Variants in EML6 observed in about 807,000 individuals in gnomAD.
The protein encoded by EML6 is echinoderm microtubule-associated protein-like 6.
Under a neutral mutation model 240.1 loss-of-function variants are expected in EML6, and 154 were observed. The observed-to-expected ratio is 0.64, with a 90% CI of 0.56 to 0.73. The LOEUF (loss-of-function observed/expected upper bound fraction) is 0.73. Ranked by LOEUF, EML6 falls within the 30% of genes least tolerant of loss-of-function variation. The pLI, the probability that EML6 is intolerant of heterozygous loss-of-function variation, is 0.00. For missense variants in EML6, 2,964 were observed against 2,474.6 expected, an observed-to-expected ratio of 1.20 and a Z score of -4.20; for synonymous variants, 1,148 against 899.0, an observed-to-expected ratio of 1.28 and a Z score of -4.95.
chr2:54,861,177 C>G (rs1670652065), intron 12 of EML6, among the ~76,000 whole-genome samples: 1 of 152,220 alleles, frequency 6.6e-6, no homozygotes, highest in South Asian at 2.1e-4. Flanking sequence ...CTCAGCACTT[C>G]ATGAGCCTTT....
chr2:54,847,745 C>G (rs1291175117), intron 9 of EML6, 122 bp downstream of exon 9: 58 of 984,862 alleles, frequency 5.9e-5, no homozygotes, highest in Middle Eastern at 3.0e-4. Flanking sequence ...AATAGGAATA[C>G]TATAGATCTA....
intron 28 of EML6, among the ~76,000 whole-genome samples, chr2:54,939,623 C>CT (rs1675323117): frequency 6.6e-6 from 1 of 152,180 alleles, no homozygotes; most frequent in Non-Finnish European, 1.5e-5. Flanking sequence ...TGTCATAATC[C>CT]TGAAGGGTGA....
chr2:54,871,462 C>T (rs369461026), intron 15 of EML6, 38 bp from the exon 16 acceptor site: 69 of 1,425,036 alleles, frequency 4.8e-5, no homozygotes, highest in Non-Finnish European at 6.2e-5. Flanking sequence ...GTTAGTATAA[C>T]GTGTTAGTAG....
intron 41 of EML6, among the ~76,000 whole-genome samples, chr2:54,969,078 A>G (rs1433504489): frequency 6.6e-6 from 1 of 152,202 alleles, no homozygotes; most frequent in Non-Finnish European, 1.5e-5. Flanking sequence ...TGATTTGAGT[A>G]GAAGCTCTTG....
chr2:54,943,904 A>T (rs1212244793), intron 28 of EML6, among the ~76,000 whole-genome samples: 2 of 152,234 alleles, frequency 1.3e-5, no homozygotes, highest in Admixed American at 6.5e-5. Context: ...TGAAAGCCAC[A>T]TGTGGCATTG....
intron 38 of EML6, 90 bp from the exon 39 acceptor site, chr2:54,966,910 G>T (rs1676773333): frequency 1.3e-6 from 1 of 797,092 alleles, no homozygotes; most frequent in Admixed American, 2.4e-5. Context: ...GGATGCAGAG[G>T]CTGGGCAGTG....
intron 12 of EML6, among the ~76,000 whole-genome samples, chr2:54,860,438 G>A (rs186084833): frequency 1.2e-4 from 18 of 152,196 alleles, no homozygotes; most frequent in East Asian, 1.2e-3. Flanking sequence ...ACACATTTCC[G>A]GAGGCTACTT....
intron 2 of EML6, among the ~76,000 whole-genome samples, chr2:54,734,135 T>C (rs11888644): frequency 0.27 from 40,278 of 151,920 alleles, 6,732 homozygotes; most frequent in African/African-American, 0.48. Flanking sequence ...GGTCAGGAGT[T>C]CAAGACCAGC....
At chr2:54,934,188 C>T (rs1321150434) in intron 28 of EML6, among the ~76,000 whole-genome samples, 1 of 152,174 alleles carries the variant, frequency 6.6e-6, no homozygotes, top group Non-Finnish European at 1.5e-5. Flanking sequence ...AAAACATACA[C>T]ATATGGAAGT....
chr2:54,906,412 T>G (rs1479040714), intron 24 of EML6, among the ~76,000 whole-genome samples: 1 of 152,172 alleles, frequency 6.6e-6, no homozygotes, highest in Admixed American at 6.5e-5. Flanking sequence ...GGGGAAGGTC[T>G]GTGTAAAGTC....
intron 24 of EML6, among the ~76,000 whole-genome samples, chr2:54,909,800 C>T (rs1189375326): frequency 1.4e-5 from 2 of 142,540 alleles, no homozygotes; most frequent in Admixed American, 7.4e-5. Context: ...GCCAAGATTA[C>T]ACCACTGCCC....
chr2:54,745,928 G>A (rs1683891701), intron 2 of EML6, among the ~76,000 whole-genome samples: 1 of 152,152 alleles, frequency 6.6e-6, no homozygotes, highest in South Asian at 2.1e-4. Context: ...CAAGGGAGGA[G>A]CAAAATTGTA....
At chr2:54,839,805 C>A (rs940442233) in intron 7 of EML6, among the ~76,000 whole-genome samples, 1 of 152,200 alleles carries the variant, frequency 6.6e-6, no homozygotes, top group African/African-American at 2.4e-5. Context: ...CTGAAAAACA[C>A]TGAGTGCCAT....
At chr2:54,933,579 C>G (rs1299465229) in intron 28 of EML6, among the ~76,000 whole-genome samples, 2 of 151,912 alleles carry the variant, frequency 1.3e-5, no homozygotes, top group African/African-American at 4.8e-5. Flanking sequence ...CCTAAAAATA[C>G]AAAAATTAGC....
chr2:54,759,968 A>G (rs985309774), intron 2 of EML6, among the ~76,000 whole-genome samples: 16 of 151,540 alleles, frequency 1.1e-4, no homozygotes, highest in African/African-American at 3.4e-4. Context: ...TGCTCTAGAT[A>G]TCAGCAGGAT....
At position 54,725,155 on chromosome 2, in the gene EML6, G is replaced by T. The variant is rs752098287; in HGVS notation, c.94G>T (p.Ala32Ser). The T allele has an allele frequency of 7.8e-6, 12 of 1,536,072 alleles. No individual in the cohort carries two copies. The South Asian group carries it at 1.2e-4, about 15-fold the overall frequency. Residue 32 changes from alanine to serine, a missense_variant, in exon 2 of 42, where the codon GCA becomes TCA. Transcript: ENST00000356458. This position sits in a 1 kb window ranked among gnomAD's most constrained non-coding sequence, Gnocchi z 4.3. ...HQCRNNLYYT[A>S]GKEVVYFVAG... ...GTGCCGCAACAACCTGTACTACACG[G>T]CAGGCAAGGAGGTGGTCTACTTTGT...
At chr2:54,801,159 A>G (rs1264918242) in intron 2 of EML6, among the ~76,000 whole-genome samples, 1 of 151,964 alleles carries the variant, frequency 6.6e-6, no homozygotes, top group Non-Finnish European at 1.5e-5. Flanking sequence ...TCTCTACTAA[A>G]AATACAAAAA....
At chr2:54,910,627 G>C (rs898227904) in intron 24 of EML6, among the ~76,000 whole-genome samples, 1 of 151,018 alleles carries the variant, frequency 6.6e-6, no homozygotes, top group Non-Finnish European at 1.5e-5. Flanking sequence ...GGGAAAAACA[G>C]GGGGAAAACT....
chr2:54,755,254 C>T (rs945675293), intron 2 of EML6, among the ~76,000 whole-genome samples: 2 of 152,192 alleles, frequency 1.3e-5, no homozygotes, highest in Non-Finnish European at 2.9e-5. Context: ...ACTGACGCCA[C>T]GCTGTTTTAA....
Sources: gnomAD v4.1 joint callset for allele counts (sites outside exome capture counted in the v4.1 genomes callset) on GRCh38, gnomAD v4.1.1 for gene constraint, Gnocchi (gnomAD v3.1) non-coding constraint, MANE v1.5 for transcripts, NCBI Gene and HGNC (gene_info 2026-07-23, HGNC 2026-07-21) for gene names.